The following TXLNA variants were observed in gnomAD, a reference collection of about 807,000 sequenced individuals.
TXLNA encodes the protein taxilin alpha.
A neutral mutation model predicts 61.4 loss-of-function variants in TXLNA; 9 were observed. That is an observed-to-expected ratio of 0.15 (90% CI 0.09 to 0.26). The LOEUF is 0.26. Ranked by LOEUF, TXLNA falls within the 10% of genes least tolerant of loss-of-function variation. The probability of loss-of-function intolerance (pLI) is 1.00; values close to 1 mark genes in which losing one functional copy is unlikely to be tolerated. For synonymous variants in TXLNA, 257 were observed against 267.7 expected (o/e 0.96, Z 0.39); for missense variants, 565 against 688.8 (o/e 0.82, Z 2.01).
intron 4 of TXLNA, among the ~76,000 whole-genome samples, chr1:32,185,025 A>G (rs764999180): frequency 1.1e-4 from 16 of 152,132 alleles, no homozygotes; most frequent in Non-Finnish European, 2.2e-4. Flanking sequence ...TCCCCATGAC[A>G]TTGACTTTTA....
Position 32,180,336 on chromosome 1 carries a change from G to T in TXLNA, c.-10G>T. ...AAGGATCTTCTCCTGACCCAGCATCGCTCATCACAATGAAGAACCAAGACA... is the reference window on the plus strand; with the variant it reads ...AAGGATCTTCTCCTGACCCAGCATCTCTCATCACAATGAAGAACCAAGACA... On this transcript the variant is annotated 5_prime_UTR_variant, in exon 2 of 11. Coordinates refer to ENST00000373610, the MANE Select transcript of TXLNA (RefSeq NM_175852.4). 6.2e-7 allele frequency: 1 copy of T among 1,604,946 alleles called. No individual in the cohort carries two copies. The highest frequency in any genetic ancestry group is 1.3e-5 in the African/African-American group (1 of 74,198).
Position 32,181,501 on chromosome 1 carries a change from A to G in TXLNA, c.429A>G (p.Glu143=). ...CCTCCAAGGGGGATCCAAACACAGA[A>G]GAGATCCGGCAGAGTGACGAGGTCG... ...KEPSKGDPNT[E]EIRQSDEVGD... Residue 143 remains glutamate (E), a synonymous_variant, in exon 3 of 11, where the codon GAA becomes GAG. Transcript: ENST00000373610. The G allele has an allele frequency of 6.2e-7, 1 of 1,607,668 alleles. No homozygotes were observed. Among genetic ancestry groups the G allele is most frequent in the Middle Eastern group, 1.7e-4 (1 of 6,050 alleles).
At chr1:32,181,148 C>CTTT in intron 2 of TXLNA, 94 bp from the exon 3 acceptor site, 1 of 1,117,666 alleles carries the variant, frequency 8.9e-7, no homozygotes, top group Non-Finnish European at 1.2e-6. Flanking sequence ...CAACATTTAA[C>CTTT]TCAAACTGAT....
At chr1:32,186,942 T>A (rs929371979) in intron 4 of TXLNA, among the ~76,000 whole-genome samples, 1 of 152,150 alleles carries the variant, frequency 6.6e-6, no homozygotes, top group African/African-American at 2.4e-5. Context: ...TGTGAGAGAG[T>A]GTCTCAGTCA....
In TXLNA at chr1:32,181,565, G is replaced by A; in HGVS notation, c.493G>A (p.Ala165Thr). 3 of 1,544,548 alleles carry A rather than the reference G, an allele frequency of 1.9e-6. No homozygotes were observed. The highest frequency in any genetic ancestry group is 1.2e-5 in the South Asian group (1 of 83,726). Residue 165 changes from alanine (A) to threonine (T), a missense_variant, in exon 3 of 11, where the codon GCC becomes ACC. Coordinates refer to ENST00000373610, the MANE Select transcript of TXLNA (RefSeq NM_175852.4). Reference protein sequence around the residue: ...DHRRPQEKKKAKGLGKEITLL... With the variant: ...DHRRPQEKKKTKGLGKEITLL... Reference sequence around the variant, plus strand: ...TCGAAGGCCACAGGAGAAGAAAAAAGCCAAGGGTTTGGGTGAGCAGAGGGC... The same window carrying A: ...TCGAAGGCCACAGGAGAAGAAAAAAACCAAGGGTTTGGGTGAGCAGAGGGC...
intron 9 of TXLNA, 68 bp from the exon 10 acceptor site, chr1:32,193,997 C>T (rs1642961139): frequency 7.5e-7 from 1 of 1,336,576 alleles, no homozygotes. Context: ...GTGCAGTCCC[C>T]ACCTTGGAGA....
chr1:32,185,113 C>T (rs1036061757), intron 4 of TXLNA, among the ~76,000 whole-genome samples: 5 of 152,306 alleles, frequency 3.3e-5, no homozygotes, highest in Admixed American at 1.3e-4. Flanking sequence ...TACTTCTTTA[C>T]CTCCTGGTAC....
chr1:32,197,330 C>G lies in TXLNA; in HGVS notation c.*2135C>G, dbSNP rs1643047585. ...TGTGGAGGGACTGGAGCTGCTGGAT[C>G]CCAGTGTGGTGGTGTAGGAGGCCAC... is the stretch of plus-strand genomic sequence containing the variant. On this transcript the variant is annotated 3_prime_UTR_variant, in exon 11 of 11. Transcript: ENST00000373610. This position sits in a 1 kb window ranked among gnomAD's most constrained non-coding sequence, Gnocchi z 4.6. The G allele has an allele frequency of 6.6e-6, 1 of 152,338 alleles. No homozygotes were observed. The highest frequency in any genetic ancestry group is 2.1e-4 in the South Asian group (1 of 4,836). The allele number at this position is 152,338 out of a possible 1,614,324, so 9.4% of individuals were successfully genotyped here.
chr1:32,190,058 G>A lies in TXLNA; in HGVS notation c.772G>A (p.Glu258Lys). The A allele has an allele frequency of 6.4e-7, 1 of 1,567,216 alleles. No homozygotes were observed. The highest frequency in any genetic ancestry group is 8.7e-7 in the Non-Finnish European group (1 of 1,153,886). The change falls in exon 6 of 11, where the codon GAA becomes AAA. Residue 258 changes from glutamate to lysine, a missense_variant. Physicochemically the swap from Glu to Lys is moderately conservative, Grantham distance 56. Around this residue, in one of 2 missense-constraint regions of TXLNA, gnomAD observed 373 missense variants for 504.0 expected, o/e 0.74. Transcript: ENST00000373610. Reference sequence around the variant, plus strand: ...TCGGGCTGACTTCTTTGCCCAGGAAGAAGGTGTGCAGCGGGCCCGGGAGGA... The same window carrying A: ...TCGGGCTGACTTCTTTGCCCAGGAAAAAGGTGTGCAGCGGGCCCGGGAGGA... The part of the protein sequence containing the change: ...LQRHNRSLKE[E>K]GVQRAREEEE...
At chr1:32,187,766 C>G (rs747163694) in intron 4 of TXLNA, among the ~76,000 whole-genome samples, 188 bp from the exon 5 acceptor site, 17 of 152,164 alleles carry the variant, frequency 1.1e-4, no homozygotes, top group Middle Eastern at 6.8e-3. Flanking sequence ...TACGGTGGAG[C>G]CTTTGGGGTT....
chr1:32,185,999 C>CT (rs1449149256), intron 4 of TXLNA, among the ~76,000 whole-genome samples: 1 of 152,098 alleles, frequency 6.6e-6, no homozygotes, highest in Non-Finnish European at 1.5e-5. Context: ...TGCCTGGCCT[C>CT]TAAGTATTTA....
At chr1:32,194,876 A>G (rs1642983024) in intron 10 of TXLNA, 26 bp from the exon 11 acceptor site, 1 of 1,580,906 alleles carries the variant, frequency 6.3e-7, no homozygotes, top group African/African-American at 1.4e-5. Flanking sequence ...GGGGCACGGC[A>G]CTGAAGGTCT....
At chr1:32,194,823 A>C in intron 10 of TXLNA, 79 bp from the exon 11 acceptor site, 1 of 1,502,626 alleles carries the variant, frequency 6.7e-7, no homozygotes, top group South Asian at 1.3e-5. Flanking sequence ...CAGCCTTGTT[A>C]AAGTGTTTGC....
intron 5 of TXLNA, among the ~76,000 whole-genome samples, chr1:32,189,446 C>G (rs1642857863): frequency 6.6e-6 from 1 of 152,032 alleles, no homozygotes; most frequent in Non-Finnish European, 1.5e-5. Flanking sequence ...GCACATTAAT[C>G]TGAAATCTGG....
intron 5 of TXLNA, among the ~76,000 whole-genome samples, chr1:32,189,554 T>TGG (rs1184418161): frequency 2.0e-5 from 3 of 151,148 alleles, no homozygotes; most frequent in African/African-American, 7.3e-5. Flanking sequence ...TTTTTTTTTT[T>TGG]GGGGACGGAG....
chr1:32,194,981 CAG>C lies in TXLNA; in HGVS notation c.1430_1431del (p.Glu477AlafsTer3). On this transcript the variant is annotated frameshift_variant, in exon 11 of 11. Coordinates refer to ENST00000373610, the MANE Select transcript of TXLNA (RefSeq NM_175852.4). LOFTEE classifies it high-confidence loss of function. The stretch of plus-strand genomic sequence containing the variant: ...GAGAAGCTGTGCCGGGCACTGCAGA[CAG>C]AGCGCAATGACCTGAACAAGAGGGT... 1 of 1,614,220 alleles carries C rather than the reference CAG, an allele frequency of 6.2e-7. No homozygotes were observed. Among genetic ancestry groups the C allele is most frequent in the Non-Finnish European group, 8.5e-7 (1 of 1,180,036 alleles).
intron 6 of TXLNA, among the ~76,000 whole-genome samples, chr1:32,191,468 C>T (rs778349717): frequency 2.6e-5 from 4 of 152,106 alleles, no homozygotes; most frequent in African/African-American, 4.8e-5. Flanking sequence ...TGGTTTGGTT[C>T]TTATCCCTCA....
intron 3 of TXLNA, among the ~76,000 whole-genome samples, chr1:32,181,818 C>T (rs1350452633): frequency 6.6e-6 from 1 of 152,218 alleles, no homozygotes; most frequent in Non-Finnish European, 1.5e-5. Flanking sequence ...CCTGTTCTCT[C>T]TTTGAGAAAA....
chr1:32,187,814 C>A, intron 4 of TXLNA, 140 bp from the exon 5 acceptor site: 3 of 850,456 alleles, frequency 3.5e-6, no homozygotes, highest in Non-Finnish European at 5.3e-6. Context: ...AGCACCGGCA[C>A]AGCATCAGCC....
Sources: gnomAD v4.1 joint callset for allele counts (sites outside exome capture counted in the v4.1 genomes callset) on GRCh38, gnomAD v4.1.1 for gene constraint, gnomAD v4.1.1 regional missense constraint, Gnocchi (gnomAD v3.1) non-coding constraint, MANE v1.5 for transcripts, NCBI Gene and HGNC (gene_info 2026-07-23, HGNC 2026-07-21) for gene names.